The following NIM1K variants were observed in gnomAD, a reference collection of about 807,000 sequenced individuals.
NIM1K encodes NIM1 serine/threonine protein kinase, also known as serine/threonine-protein kinase NIM1.
NIM1K carries 35 observed loss-of-function variants against 37.1 expected under a neutral mutation model. That is an observed-to-expected ratio of 0.94 (90% CI 0.72 to 1.25). The LOEUF (loss-of-function observed/expected upper bound fraction) is 1.25, where lower values mean the gene tolerates loss of function less well. NIM1K is among the 50% of genes most tolerant of loss of function. NIM1K has a pLI of 0.00. For missense variants in NIM1K, 564 were observed against 548.0 expected (o/e 1.03, Z -0.29); for synonymous variants, 234 against 206.6 (o/e 1.13, Z -1.14).
intron 1 of NIM1K, among the ~76,000 whole-genome samples, chr5:43,236,332 G>A (rs1042026574): frequency 2.6e-5 from 4 of 151,546 alleles, no homozygotes; most frequent in South Asian, 2.1e-4. Context: ...AAATGGAGTC[G>A]CCAGACTTGG....
At chr5:43,231,798 G>A in intron 1 of NIM1K, 1 of 1,220,694 alleles carries the variant, frequency 8.2e-7, no homozygotes, top group Non-Finnish European at 1.1e-6. Context: ...CAGCACCTTT[G>A]TGACGTTTTC....
chr5:43,273,200 C>CT (rs113748798), intron 2 of NIM1K, among the ~76,000 whole-genome samples: 4,722 of 145,442 alleles, frequency 0.032, 264 homozygotes, highest in African/African-American at 0.11. Context: ...TGCCAGAGTG[C>CT]TTTTTTTTTT....
chr5:43,194,299 A>C lies in NIM1K; in HGVS notation c.-695+1888A>C, dbSNP rs374052614. Reference sequence around the variant, plus strand: ...GCTAGTGGGGAAAAAGCTGAATCCAACTCCCCATGGACTGGTGTTTGGTGT... The same window carrying C: ...GCTAGTGGGGAAAAAGCTGAATCCACCTCCCCATGGACTGGTGTTTGGTGT... On this transcript the variant is annotated intron_variant, in intron 1 of 3. Coordinates refer to ENST00000326035, the MANE Select transcript of NIM1K (RefSeq NM_153361.4). Among the ~76,000 whole-genome samples the C allele has an allele frequency of 3.9e-5, 6 of 152,146 alleles. No individual in the cohort carries two copies. The South Asian group carries it at 1.0e-3, about 26-fold the overall frequency.
chr5:43,266,003 C>T (rs939718790), intron 2 of NIM1K, among the ~76,000 whole-genome samples: 1 of 152,208 alleles, frequency 6.6e-6, no homozygotes, highest in African/African-American at 2.4e-5. Context: ...CTCAGAGGGT[C>T]ACCCAGCTGT....
intron 1 of NIM1K, among the ~76,000 whole-genome samples, chr5:43,217,262 T>A (rs748479119): frequency 1.3e-5 from 2 of 152,192 alleles, no homozygotes; most frequent in African/African-American, 4.8e-5. Flanking sequence ...CTTAATGTAA[T>A]GTTTTCAAGA....
intron 1 of NIM1K, among the ~76,000 whole-genome samples, chr5:43,237,333 C>T (rs991172884): frequency 6.6e-6 from 1 of 152,156 alleles, no homozygotes; most frequent in Non-Finnish European, 1.5e-5. Flanking sequence ...TAATGCATTG[C>T]TATATAGCAA....
intron 1 of NIM1K, among the ~76,000 whole-genome samples, chr5:43,239,073 G>C (rs1440054235): frequency 6.6e-6 from 1 of 151,780 alleles, no homozygotes; most frequent in Non-Finnish European, 1.5e-5. Context: ...AAGCCTTTTT[G>C]AGCACTCAGA....
At chr5:43,258,125 T>C (rs1752973766) in intron 2 of NIM1K, among the ~76,000 whole-genome samples, 1 of 152,178 alleles carries the variant, frequency 6.6e-6, no homozygotes, top group Non-Finnish European at 1.5e-5. Context: ...TCCTGAAGTG[T>C]AACCACTATT....
intron 1 of NIM1K, among the ~76,000 whole-genome samples, chr5:43,236,431 C>T (rs6880375): frequency 3.9e-4 from 60 of 152,102 alleles, no homozygotes; most frequent in South Asian, 1.9e-3. Context: ...GCCTGGACAA[C>T]GTAGTGAGAC....
At chr5:43,235,681 G>C (rs1752610110) in intron 1 of NIM1K, among the ~76,000 whole-genome samples, 1 of 152,208 alleles carries the variant, frequency 6.6e-6, no homozygotes, top group Non-Finnish European at 1.5e-5. Flanking sequence ...GAATTAGATG[G>C]TTAAATAAAC....
At chr5:43,273,305 G>T (rs527653421) in intron 2 of NIM1K, among the ~76,000 whole-genome samples, 251 of 151,928 alleles carry the variant, frequency 1.7e-3, no homozygotes, top group African/African-American at 5.8e-3. Flanking sequence ...CTGGGTTCAA[G>T]CAATTCTCCT....
At chr5:43,254,683 G>A (rs998248033) in intron 2 of NIM1K, among the ~76,000 whole-genome samples, 24 of 152,206 alleles carry the variant, frequency 1.6e-4, no homozygotes, top group African/African-American at 5.5e-4. Context: ...CAGGGCTAGA[G>A]CACGAACTCA....
At chr5:43,204,338 C>T (rs1752077802) in intron 1 of NIM1K, among the ~76,000 whole-genome samples, 1 of 151,058 alleles carries the variant, frequency 6.6e-6, no homozygotes, top group Non-Finnish European at 1.5e-5. Flanking sequence ...CCCACCTCAG[C>T]CTCCCAAAGT....
chr5:43,227,743 A>T (rs1244225453), intron 1 of NIM1K, among the ~76,000 whole-genome samples: 1 of 152,148 alleles, frequency 6.6e-6, no homozygotes. Flanking sequence ...TATGGGTTTT[A>T]TTAATCTCAT....
chr5:43,259,329 T>C (rs1186632795), intron 2 of NIM1K, among the ~76,000 whole-genome samples: 2 of 152,238 alleles, frequency 1.3e-5, no homozygotes, highest in Non-Finnish European at 2.9e-5. Context: ...TTAATTTACT[T>C]TTAGATTTTA....
At chr5:43,276,742 T>C (rs73096633) in intron 2 of NIM1K, among the ~76,000 whole-genome samples, 5,178 of 152,236 alleles carry the variant, frequency 0.034, 318 homozygotes, top group African/African-American at 0.12. Context: ...TGATGGACAG[T>C]GAGGCTGATG....
In NIM1K at chr5:43,280,725, T is replaced by C; in HGVS notation, c.1307T>C (p.Leu436Ser). The part of the protein sequence containing the change: ...IRHTSKFCSI[L>S] ...CACACATCCAAATTTTGCTCGATTT[T>C]ATAAATTGCACTAGACTGCTTGTAA... is the stretch of plus-strand genomic sequence containing the variant. Residue 436 changes from leucine to serine, a missense_variant, in exon 4 of 4, where the codon TTA becomes TCA. Leu to Ser is a moderately radical substitution (Grantham distance 145). Coordinates refer to ENST00000326035, the MANE Select transcript of NIM1K (RefSeq NM_153361.4). The C allele has an allele frequency of 1.3e-6, 2 of 1,593,726 alleles. No individual in the cohort carries two copies. The highest frequency in any genetic ancestry group is 1.7e-6 in the Non-Finnish European group (2 of 1,173,782).
At position 43,245,516 on chromosome 5, in the gene NIM1K, C is replaced by T; in HGVS notation, c.-260C>T. On this transcript the variant is annotated 5_prime_UTR_variant, in exon 2 of 4. Coordinates refer to ENST00000326035, the MANE Select transcript of NIM1K (RefSeq NM_153361.4). ...CATGTGCCTAATTGTACAGCTAGAG[C>T]CTGCAAGTTCAACGTGAGGGAAGGT... 1 of 396,302 alleles carries T rather than the reference C, an allele frequency of 2.5e-6. No homozygotes were observed. Among genetic ancestry groups the T allele is most frequent in the African/African-American group, 2.0e-5 (1 of 49,436 alleles). 24.5% of individuals were successfully genotyped at this position (396,302 alleles called of 1,614,324 possible). A position where few individuals can be genotyped will look rare whatever the true frequency, so the allele number is the denominator to read the frequency against.
intron 1 of NIM1K, among the ~76,000 whole-genome samples, chr5:43,215,324 T>C (rs1282956798): frequency 6.6e-6 from 1 of 152,224 alleles, no homozygotes; most frequent in East Asian, 1.9e-4. Flanking sequence ...GAGGGAAGTG[T>C]GCCTAATTAC....
Sources: allele counts gnomAD v4.1 joint callset (sites outside exome capture counted in the v4.1 genomes callset), GRCh38; gene constraint gnomAD v4.1.1; transcripts MANE v1.5; gene names NCBI Gene and HGNC (gene_info 2026-07-23, HGNC 2026-07-21).